Variants in UTRN observed in about 807,000 individuals in gnomAD.
UTRN encodes the protein dystrophin-related protein 1.
In UTRN, 283 loss-of-function variants were observed where a neutral mutation model predicts 463.9. The ratio of observed to expected loss-of-function variants is 0.61; its 90% CI spans 0.55 to 0.67. UTRN has a LOEUF of 0.67. UTRN is among the 30% of genes least tolerant of loss of function. The pLI is 0.00. For synonymous variants in UTRN, 1,442 were observed against 1,431.5 expected, an observed-to-expected ratio of 1.01 and a Z score of -0.17; for missense variants, 3,922 against 4,084.3, an observed-to-expected ratio of 0.96 and a Z score of 1.08.
intron 43 of UTRN, among the ~76,000 whole-genome samples, chr6:144,535,401 GA>G (rs1797440773): frequency 6.6e-6 from 1 of 152,134 alleles, no homozygotes; most frequent in African/African-American, 2.4e-5. Flanking sequence ...CCTTTTTAAG[GA>G]AAAACATGTA....
chr6:144,605,170 C>T (rs1222085281), intron 51 of UTRN, among the ~76,000 whole-genome samples: 1 of 152,150 alleles, frequency 6.6e-6, no homozygotes, highest in Non-Finnish European at 1.5e-5. Flanking sequence ...ATGGTATCAC[C>T]TTTGTACCAG....
intron 39 of UTRN, 84 bp from the exon 40 acceptor site, chr6:144,521,896 C>A: frequency 1.1e-6 from 1 of 933,898 alleles, no homozygotes; most frequent in Non-Finnish European, 1.4e-6. Context: ...TTCCTTCACA[C>A]AATAGTCTTG....
chr6:144,401,136 G>C (rs1195961264), intron 2 of UTRN, among the ~76,000 whole-genome samples: 1 of 152,122 alleles, frequency 6.6e-6, no homozygotes, highest in African/African-American at 2.4e-5. Context: ...AAATTCTTAA[G>C]TTGTGTGAAT....
At chr6:144,622,180 TGTTG>T (rs1451384986) in intron 51 of UTRN, among the ~76,000 whole-genome samples, 11 of 126,838 alleles carry the variant, frequency 8.7e-5, no homozygotes, top group African/African-American at 3.3e-4. Flanking sequence ...CATTTTTTTT[TGTTG>T]TTTTTTTTTT....
At chr6:144,395,386 T>A (rs148726462) in intron 2 of UTRN, among the ~76,000 whole-genome samples, 1 of 150,002 alleles carries the variant, frequency 6.7e-6, no homozygotes, top group Non-Finnish European at 1.5e-5. Context: ...ATATGGTTGA[T>A]AGAAAAGATG....
chr6:144,313,957 A>T (rs1232749977), intron 2 of UTRN, among the ~76,000 whole-genome samples: 1 of 152,180 alleles, frequency 6.6e-6, no homozygotes. Flanking sequence ...ACTTTTTATA[A>T]TATACATGTT....
At chr6:144,831,955 G>A in intron 69 of UTRN, among the ~76,000 whole-genome samples, 1 of 150,834 alleles carries the variant, frequency 6.6e-6, no homozygotes, top group East Asian at 2.0e-4. Flanking sequence ...TTCATTGAAT[G>A]AATCACAGTT....
At chr6:144,336,544 A>G (rs1776734385) in intron 2 of UTRN, among the ~76,000 whole-genome samples, 1 of 152,108 alleles carries the variant, frequency 6.6e-6, no homozygotes, top group African/African-American at 2.4e-5. Context: ...ACACCTTCCC[A>G]TGAAGCTTGA....
chr6:144,800,756 G>A (rs1777631018), intron 64 of UTRN, among the ~76,000 whole-genome samples: 1 of 150,438 alleles, frequency 6.6e-6, no homozygotes, highest in African/African-American at 2.4e-5. Flanking sequence ...CATCATTAGT[G>A]TGATAGTAGC....
intron 6 of UTRN, among the ~76,000 whole-genome samples, chr6:144,425,847 A>G (rs2114857747): frequency 6.6e-6 from 1 of 152,354 alleles, no homozygotes; most frequent in East Asian, 1.9e-4. Flanking sequence ...TGTTAGTTCT[A>G]GAGTATAATC....
chr6:144,352,477 G>T (rs1034736182), intron 2 of UTRN, among the ~76,000 whole-genome samples: 1 of 152,144 alleles, frequency 6.6e-6, no homozygotes, highest in Admixed American at 6.5e-5. Context: ...TTGCAAGTTG[G>T]TTGAGGCAAT....
At chr6:144,327,332 G>T (rs954314774) in intron 2 of UTRN, among the ~76,000 whole-genome samples, 1 of 152,158 alleles carries the variant, frequency 6.6e-6, no homozygotes, top group African/African-American at 2.4e-5. Context: ...GTCAGAACCT[G>T]TCCTAATTTG....
chr6:144,534,347 G>A (rs1212044964), intron 43 of UTRN, among the ~76,000 whole-genome samples: 2 of 152,088 alleles, frequency 1.3e-5, no homozygotes, highest in Admixed American at 6.5e-5. Context: ...AGAGAGGCGA[G>A]GTTAAGTAAC....
intron 33 of UTRN, among the ~76,000 whole-genome samples, chr6:144,498,371 ATGTT>A (rs1461703500): frequency 6.6e-6 from 1 of 152,246 alleles, no homozygotes; most frequent in African/African-American, 2.4e-5. Context: ...AGCTTGGTAA[ATGTT>A]AGTTAAGTTC....
intron 71 of UTRN, among the ~76,000 whole-genome samples, chr6:144,838,893 T>C (rs1359515256): frequency 6.6e-6 from 1 of 152,212 alleles, no homozygotes; most frequent in Admixed American, 6.5e-5. Flanking sequence ...GCTTATGAAT[T>C]CACTTAACAT....
chr6:144,577,355 A>C, intron 51 of UTRN, 67 bp downstream of exon 51: 1 of 1,519,120 alleles, frequency 6.6e-7, no homozygotes, highest in Non-Finnish European at 9.0e-7. Context: ...CTCTGCATGC[A>C]AATGTGTTAC....
intron 54 of UTRN, among the ~76,000 whole-genome samples, chr6:144,737,842 AT>A (rs1789604980): frequency 7.2e-6 from 1 of 138,168 alleles, no homozygotes; most frequent in Non-Finnish European, 1.6e-5. Context: ...TTTTTTTTTT[AT>A]TTTAATCCCT....
At chr6:144,577,065 T>C in intron 50 of UTRN, 34 bp from the exon 51 acceptor site, 1 of 1,597,644 alleles carries the variant, frequency 6.3e-7, no homozygotes, top group South Asian at 1.1e-5. Context: ...ACACTGTAAG[T>C]AATGGAGCCG....
At chr6:144,387,153 T>A (rs951585307) in intron 2 of UTRN, among the ~76,000 whole-genome samples, 2 of 152,228 alleles carry the variant, frequency 1.3e-5, no homozygotes, top group African/African-American at 2.4e-5. Flanking sequence ...TTATTTATTT[T>A]TTTGAGATGG....
Sources: allele counts gnomAD v4.1 joint callset (sites outside exome capture counted in the v4.1 genomes callset), GRCh38; gene constraint gnomAD v4.1.1; transcripts MANE v1.5; gene names NCBI Gene and HGNC (gene_info 2026-07-23, HGNC 2026-07-21).